ADGRV1: variants seen among roughly 807,000 people sequenced by gnomAD.
ADGRV1 encodes G-protein coupled receptor 98.
A neutral mutation model predicts 596.2 loss-of-function variants in ADGRV1; 359 were observed. That is an observed-to-expected ratio of 0.60 (90% CI 0.55 to 0.66). The LOEUF is 0.66. Among genes scored for constraint, ADGRV1 ranks in the 30% least tolerant of loss-of-function variants. The probability of loss-of-function intolerance (pLI) is 0.00; values close to 1 mark genes in which losing one functional copy is unlikely to be tolerated. For synonymous variants in ADGRV1, 2,681 were observed against 2,679.2 expected (o/e 1.00, Z -0.02); for missense variants, 7,274 against 7,575.6 (o/e 0.96, Z 1.48).
intron 83 of ADGRV1, among the ~76,000 whole-genome samples, chr5:90,886,570 A>G (rs1770308784): frequency 6.6e-6 from 1 of 152,294 alleles, no homozygotes; most frequent in African/African-American, 2.4e-5. Flanking sequence ...AGCTTTAACC[A>G]TTTTTGTATA....
At chr5:90,716,997 C>T (rs1750200302) in intron 43 of ADGRV1, 1 of 244,438 alleles carries the variant, frequency 4.1e-6, no homozygotes, top group African/African-American at 2.2e-5. Context: ...AAATTTTCAG[C>T]ACATTTAAAT....
intron 85 of ADGRV1, among the ~76,000 whole-genome samples, chr5:91,066,892 C>T (rs888582806): frequency 2.0e-5 from 3 of 152,174 alleles, no homozygotes; most frequent in Non-Finnish European, 4.4e-5. Context: ...GAGCTGCCAA[C>T]GAGAACAGGC....
chr5:91,028,638 A>G (rs970355271), intron 85 of ADGRV1, among the ~76,000 whole-genome samples: 4 of 151,624 alleles, frequency 2.6e-5, no homozygotes, highest in African/African-American at 9.7e-5. Context: ...TCTACCATCA[A>G]GGACCAGCCT....
chr5:91,034,749 C>G (rs1475233653), intron 85 of ADGRV1, among the ~76,000 whole-genome samples: 1 of 152,142 alleles, frequency 6.6e-6, no homozygotes, highest in African/African-American at 2.4e-5. Flanking sequence ...TCTAAAAGTA[C>G]AAGTCAGAGT....
At chr5:91,096,246 T>C (rs933724535) in intron 86 of ADGRV1, among the ~76,000 whole-genome samples, 2 of 152,204 alleles carry the variant, frequency 1.3e-5, no homozygotes, top group Non-Finnish European at 2.9e-5. Flanking sequence ...ATTTCCATAA[T>C]AAAGCCATTA....
At chr5:90,832,361 A>T (rs1216109808) in intron 77 of ADGRV1, among the ~76,000 whole-genome samples, 3 of 152,136 alleles carry the variant, frequency 2.0e-5, no homozygotes, top group African/African-American at 7.2e-5. Context: ...AGTGATGTTG[A>T]GCACCTTTTC....
chr5:90,680,890 G>T (rs1162579434), intron 26 of ADGRV1, among the ~76,000 whole-genome samples: 4 of 152,120 alleles, frequency 2.6e-5, no homozygotes, highest in Admixed American at 1.3e-4. Context: ...TAGGATTCAT[G>T]CACGTTGGAA....
chr5:90,706,143 G>C, intron 37 of ADGRV1, 88 bp from the exon 38 acceptor site: 1 of 1,153,574 alleles, frequency 8.7e-7, no homozygotes, highest in Non-Finnish European at 1.2e-6. Context: ...TACTAAAGGT[G>C]CTTTTAGGAA....
intron 85 of ADGRV1, among the ~76,000 whole-genome samples, chr5:91,042,355 C>T (rs1284716146): frequency 1.3e-5 from 2 of 152,178 alleles, no homozygotes. Flanking sequence ...ACCAAGTAAA[C>T]TGTTTTATAT....
At chr5:90,651,569 T>C (rs772302392) in intron 17 of ADGRV1, 35 bp from the exon 18 acceptor site, 10 of 1,395,800 alleles carry the variant, frequency 7.2e-6, no homozygotes, top group Non-Finnish European at 9.7e-6. Flanking sequence ...GTTAGCTACT[T>C]CTTTGTTATT....
chr5:90,619,156 C>A lies in ADGRV1; in HGVS notation c.428C>A (p.Ala143Glu). The A allele has an allele frequency of 6.8e-7, 1 of 1,471,126 alleles. No homozygotes were observed. The highest frequency in any genetic ancestry group is 9.1e-7 in the Non-Finnish European group (1 of 1,096,524). 91.1% of individuals were successfully genotyped at this position (1,471,126 alleles called of 1,614,324 possible). A position where few individuals can be genotyped will look rare whatever the true frequency, so the allele number is the denominator to read the frequency against. ...VTVTILSNDN[A>E]FGIISFNMLP... ...GTGACAATATTATCAAATGACAATG[C>A]ATTTGGAATTATTTCATTTAATATG... Residue 143 changes from alanine to glutamate, a missense_variant, in exon 4 of 90, where the codon GCA becomes GAA. Ala to Glu is a moderately radical substitution (Grantham distance 107). This residue lies in a region of ADGRV1 where 1,715 missense variants were observed against 1,708.8 expected (regional missense o/e 1.00). Transcript: ENST00000405460.
chr5:90,916,861 TG>T (rs1165866725), intron 83 of ADGRV1, among the ~76,000 whole-genome samples: 1 of 151,944 alleles, frequency 6.6e-6, no homozygotes, highest in African/African-American at 2.4e-5. Flanking sequence ...CTCGATCTCC[TG>T]ACCTCGTGAT....
chr5:91,097,390 G>C (rs1790965517), intron 86 of ADGRV1, among the ~76,000 whole-genome samples: 1 of 152,202 alleles, frequency 6.6e-6, no homozygotes, highest in Non-Finnish European at 1.5e-5. Flanking sequence ...AACATATAAA[G>C]TTTGGGGGGA....
intron 72 of ADGRV1, 60 bp from the exon 73 acceptor site, chr5:90,807,542 C>A: frequency 6.7e-7 from 1 of 1,488,988 alleles, no homozygotes; most frequent in South Asian, 1.3e-5. Flanking sequence ...TTTTAAAAGT[C>A]AAATCCCAAT....
chr5:90,725,710 A>G (rs1204186242), intron 48 of ADGRV1, 54 bp downstream of exon 48: 1 of 969,696 alleles, frequency 1.0e-6, no homozygotes, highest in East Asian at 2.4e-5. Context: ...TTTTAACATT[A>G]TAATTGAAAT....
chr5:91,094,868 A>C (rs1790719419), intron 86 of ADGRV1, among the ~76,000 whole-genome samples: 1 of 152,150 alleles, frequency 6.6e-6, no homozygotes, highest in South Asian at 2.1e-4. Flanking sequence ...AGTTGGCCCT[A>C]ATGTGCTTGG....
chr5:90,745,843 A>G (rs371253528), intron 52 of ADGRV1, 48 bp downstream of exon 52: 17 of 1,116,216 alleles, frequency 1.5e-5, no homozygotes, highest in Non-Finnish European at 2.3e-5. Context: ...TGTTTTATTT[A>G]TTGTATTTGT....
rs1283623930 is a variant in ADGRV1 at position 90,750,597 on chromosome 5, T to C, written c.11021T>C (p.Val3674Ala). 1.2e-6 allele frequency: 2 copies of C among 1,612,448 alleles called. No homozygotes were observed. The highest frequency in any genetic ancestry group is 1.7e-6 in the Non-Finnish European group (2 of 1,178,900). ...GAAGAAATGGAGCAAGATAGCCTAG[T>C]AACCTTGAACGTTGAACGCTTAAAA... Reference protein sequence around the residue: ...QVEEMEQDSLVTLNVERLKGT... With the variant: ...QVEEMEQDSLATLNVERLKGT... Residue 3674 changes from valine to alanine, a missense_variant, in exon 53 of 90, where the codon GTA becomes GCA. Val to Ala is a moderately conservative substitution (Grantham distance 64). Transcript: ENST00000405460.
At chr5:90,628,063 CACATT>C in intron 7 of ADGRV1, 1 of 209,364 alleles carries the variant, frequency 4.8e-6, no homozygotes, top group Non-Finnish European at 9.4e-6. Context: ...TTCCCTAGGA[CACATT>C]CACATATCTA....
Sources: allele counts gnomAD v4.1 joint callset (sites outside exome capture counted in the v4.1 genomes callset), GRCh38; gene constraint gnomAD v4.1.1; regional missense constraint gnomAD v4.1.1; transcripts MANE v1.5; gene names NCBI Gene and HGNC (gene_info 2026-07-23, HGNC 2026-07-21).